Variants in MTSS1 observed in about 807,000 individuals in gnomAD.
MTSS1 encodes the protein MTSS I-BAR domain containing 1.
MTSS1 carries 18 observed loss-of-function variants against 79.0 expected under a neutral mutation model. That is an observed-to-expected ratio of 0.23 (90% confidence interval 0.16 to 0.34). The LOEUF (loss-of-function observed/expected upper bound fraction) is 0.34. MTSS1 is among the 10% of genes least tolerant of loss of function. MTSS1 has a pLI of 1.00. For missense variants in MTSS1, 815 were observed against 986.2 expected, an observed-to-expected ratio of 0.83 and a Z score of 2.33; for synonymous variants, 341 against 368.6, an observed-to-expected ratio of 0.93 and a Z score of 0.86.
chr8:124,714,826 C>T (rs1343954134), intron 1 of MTSS1, among the ~76,000 whole-genome samples: 1 of 152,148 alleles, frequency 6.6e-6, no homozygotes, highest in Non-Finnish European at 1.5e-5. Flanking sequence ...GACTGATTCT[C>T]CACATCTGGA....
chr8:124,603,537 T>C (rs1471800657), intron 3 of MTSS1, among the ~76,000 whole-genome samples: 1 of 152,240 alleles, frequency 6.6e-6, no homozygotes, highest in Admixed American at 6.5e-5. Flanking sequence ...GAACAAACTG[T>C]GTTCCTCTGG....
intron 3 of MTSS1, among the ~76,000 whole-genome samples, chr8:124,614,830 G>C (rs1418303378): frequency 6.6e-6 from 1 of 152,184 alleles, no homozygotes; most frequent in Non-Finnish European, 1.5e-5. Context: ...TATTTTATGT[G>C]TTTACTAAAT....
intron 3 of MTSS1, among the ~76,000 whole-genome samples, chr8:124,670,766 A>G (rs1563969674): frequency 1.3e-5 from 2 of 152,182 alleles, no homozygotes; most frequent in Non-Finnish European, 2.9e-5. Flanking sequence ...TAAGAAACCA[A>G]TTCATCCCGT....
intron 1 of MTSS1, among the ~76,000 whole-genome samples, chr8:124,722,071 G>T (rs1243529425): frequency 6.6e-6 from 1 of 152,068 alleles, no homozygotes; most frequent in Admixed American, 6.5e-5. Flanking sequence ...TGCTTTGAGA[G>T]AAAGCAAGCA....
At chr8:124,581,616 C>T (rs986256178) in intron 6 of MTSS1, among the ~76,000 whole-genome samples, 10 of 151,940 alleles carry the variant, frequency 6.6e-5, no homozygotes, top group Admixed American at 6.5e-5. Flanking sequence ...CCACCACGCC[C>T]GGCTAATTTT....
At chr8:124,656,299 G>A (rs974122349) in intron 3 of MTSS1, among the ~76,000 whole-genome samples, 7 of 152,172 alleles carry the variant, frequency 4.6e-5, no homozygotes, top group African/African-American at 1.7e-4. Flanking sequence ...AGGAGGACAG[G>A]TGTAGAGCTA....
At chr8:124,694,009 C>T (rs115695775) in intron 3 of MTSS1, among the ~76,000 whole-genome samples, 3,811 of 152,162 alleles carry the variant, frequency 0.025, 158 homozygotes, top group African/African-American at 0.087. Context: ...TGCAAAGGCA[C>T]GAAGTCAAAC....
chr8:124,684,839 G>A (rs567259717), intron 3 of MTSS1, among the ~76,000 whole-genome samples: 1 of 152,276 alleles, frequency 6.6e-6, no homozygotes, highest in East Asian at 1.9e-4. Flanking sequence ...AACTTTGCTT[G>A]TCACATAGCC....
chr8:124,595,946 G>A (rs1375471825), intron 3 of MTSS1, among the ~76,000 whole-genome samples: 1 of 152,166 alleles, frequency 6.6e-6, no homozygotes, highest in Non-Finnish European at 1.5e-5. Context: ...GGAGGCCTCT[G>A]GGGAATGTTT....
chr8:124,632,656 A>C (rs2133838258), intron 3 of MTSS1, among the ~76,000 whole-genome samples: 1 of 152,058 alleles, frequency 6.6e-6, no homozygotes, highest in South Asian at 2.1e-4. Flanking sequence ...ATTCAGAATT[A>C]GGTTTTGTTT....
At chr8:124,577,607 A>G (rs887083214) in intron 6 of MTSS1, 2 of 518,878 alleles carry the variant, frequency 3.9e-6, no homozygotes, top group African/African-American at 3.9e-5. Context: ...TGATGGTCAC[A>G]ATAGGTCTAA....
intron 3 of MTSS1, among the ~76,000 whole-genome samples, chr8:124,675,429 C>G (rs926431112): frequency 5.3e-5 from 8 of 152,150 alleles, no homozygotes; most frequent in Non-Finnish European, 8.8e-5. Context: ...CTGACAGGTC[C>G]TGGTGATGAA....
chr8:124,591,121 T>C (rs748010216), intron 4 of MTSS1, 30 bp downstream of exon 4: 2 of 1,596,650 alleles, frequency 1.3e-6, no homozygotes, highest in South Asian at 2.2e-5. Flanking sequence ...GCAAGGGTGT[T>C]GGCGATCGGG....
chr8:124,643,591 G>A (rs762936373), intron 3 of MTSS1, among the ~76,000 whole-genome samples: 1 of 151,366 alleles, frequency 6.6e-6, no homozygotes, highest in East Asian at 1.9e-4. Context: ...CCAGCTACTC[G>A]GGAGGCTGCA....
intron 3 of MTSS1, among the ~76,000 whole-genome samples, chr8:124,644,089 G>A (rs574834902): frequency 5.9e-5 from 9 of 152,200 alleles, no homozygotes; most frequent in South Asian, 2.1e-4. Context: ...TTAGGCCCAC[G>A]GTTTGAGTTA....
chr8:124,724,031 A>T (rs539992273), intron 1 of MTSS1, among the ~76,000 whole-genome samples: 7 of 152,306 alleles, frequency 4.6e-5, no homozygotes, highest in Admixed American at 2.0e-4. Flanking sequence ...CAGGACAAGG[A>T]GCTCTCCAAG....
At chr8:124,608,686 G>C (rs1285854219) in intron 3 of MTSS1, among the ~76,000 whole-genome samples, 2 of 152,186 alleles carry the variant, frequency 1.3e-5, no homozygotes, top group Admixed American at 1.3e-4. Flanking sequence ...CATAGACAAA[G>C]GCAAGGATGG....
intron 10 of MTSS1, among the ~76,000 whole-genome samples, chr8:124,559,669 C>A (rs1183766398): frequency 2.6e-5 from 4 of 152,198 alleles, no homozygotes; most frequent in Non-Finnish European, 5.9e-5. Context: ...TTCCTATGAT[C>A]TCACCTACAC....
intron 1 of MTSS1, among the ~76,000 whole-genome samples, chr8:124,717,602 G>A: frequency 6.6e-6 from 1 of 152,078 alleles, no homozygotes; most frequent in East Asian, 1.9e-4. Context: ...GCTGAGGCAG[G>A]AGAATCACTT....
Sources: allele counts gnomAD v4.1 joint callset (sites outside exome capture counted in the v4.1 genomes callset), GRCh38; gene constraint gnomAD v4.1.1; transcripts MANE v1.5; gene names NCBI Gene and HGNC (gene_info 2026-07-23, HGNC 2026-07-21).